COLEC12: variants seen among roughly 807,000 people sequenced by gnomAD.
The protein encoded by COLEC12 is collectin-12.
Under a neutral mutation model 71.1 loss-of-function variants are expected in COLEC12, and 33 were observed. That is an observed-to-expected ratio of 0.46 (90% CI 0.35 to 0.62). The LOEUF is 0.62. COLEC12 is among the 20% of genes least tolerant of loss of function. The pLI is 0.00. For synonymous variants in COLEC12, 350 were observed against 353.0 expected (o/e 0.99, Z 0.10); for missense variants, 765 against 916.1 (o/e 0.84, Z 2.13).
intron 2 of COLEC12, among the ~76,000 whole-genome samples, chr18:380,721 C>T (rs1397280432): frequency 6.6e-6 from 1 of 152,060 alleles, no homozygotes; most frequent in Non-Finnish European, 1.5e-5. Flanking sequence ...ATGGATGTGA[C>T]GGAAAGAAGT....
chr18:329,767 C>A (rs1235459962), intron 8 of COLEC12, among the ~76,000 whole-genome samples: 3 of 152,218 alleles, frequency 2.0e-5, no homozygotes, highest in Non-Finnish European at 4.4e-5. Context: ...TATTTCGCCA[C>A]ATGTTTATTT....
At chr18:458,740 C>G (rs559681781) in intron 2 of COLEC12, among the ~76,000 whole-genome samples, 8 of 152,348 alleles carry the variant, frequency 5.3e-5, no homozygotes, top group African/African-American at 1.9e-4. Flanking sequence ...ATGATCACTC[C>G]TCAAGACTTC....
chr18:347,046 C>A lies in COLEC12; in HGVS notation c.576G>T (p.Leu192=), dbSNP rs1270311092. ...CATTATGAGAATACATTTGGTTCTG[C>A]AGATTGCCCTGGAGCACGCTGGTAT... is the stretch of plus-strand genomic sequence containing the variant. ...QQDTSVLQGN[L]QNQMYSHNVV... Residue 192 remains leucine (L), a synonymous_variant, in exon 5 of 10, where the codon CTG becomes CTT. Coordinates refer to ENST00000400256, the MANE Select transcript of COLEC12 (RefSeq NM_130386.3). The A allele has an allele frequency of 6.2e-7, 1 of 1,614,200 alleles. No individual in the cohort carries two copies. Among genetic ancestry groups the A allele is most frequent in the South Asian group, 1.1e-5 (1 of 91,068 alleles).
intron 2 of COLEC12, chr18:424,519 G>A (rs1916160565): frequency 6.6e-6 from 1 of 152,170 alleles, no homozygotes; most frequent in Non-Finnish European, 1.5e-5. Flanking sequence ...AGAGGCTTCT[G>A]CCTGATTATT....
chr18:417,638 G>A (rs1306440383), intron 2 of COLEC12, among the ~76,000 whole-genome samples: 3 of 152,174 alleles, frequency 2.0e-5, no homozygotes, highest in Non-Finnish European at 4.4e-5. Context: ...CATGGGAAGT[G>A]GACACAGTAG....
At chr18:387,698 G>A (rs1045906137) in intron 2 of COLEC12, among the ~76,000 whole-genome samples, 1 of 152,142 alleles carries the variant, frequency 6.6e-6, no homozygotes, top group Non-Finnish European at 1.5e-5. Context: ...AAATAAATAT[G>A]TACGCTAGGA....
At chr18:348,404 T>C (rs1914433794) in intron 3 of COLEC12, among the ~76,000 whole-genome samples, 2 of 152,248 alleles carry the variant, frequency 1.3e-5, no homozygotes, top group Non-Finnish European at 2.9e-5. Flanking sequence ...CTTATGATTC[T>C]GTAATGCCTT....
Position 320,082 on chromosome 18 carries a change from GA to G in COLEC12, c.2210-19del. ...TGACAGTACTAAAAGAGAGAAATAA[GA>G]ATGGGCATTAGTTTTTCTTAAATAA... On this transcript the variant is annotated intron_variant, in intron 9 of 9. Coordinates refer to ENST00000400256, the MANE Select transcript of COLEC12 (RefSeq NM_130386.3). 2.0e-6 allele frequency: 3 copies of G among 1,470,352 alleles called. No homozygotes were observed. In the South Asian group the frequency reaches 3.6e-5, roughly 18 times the overall value. The allele number at this position is 1,470,352 out of a possible 1,614,324, so 91.1% of individuals were successfully genotyped here.
chr18:460,079 C>T (rs1395037332), intron 2 of COLEC12, among the ~76,000 whole-genome samples: 3 of 152,088 alleles, frequency 2.0e-5, no homozygotes, highest in South Asian at 4.2e-4. Flanking sequence ...AAAATAGACT[C>T]GGATATTTTG....
At chr18:324,916 G>A (rs867558985) in intron 8 of COLEC12, among the ~76,000 whole-genome samples, 23 of 151,952 alleles carry the variant, frequency 1.5e-4, no homozygotes, top group South Asian at 6.2e-4. Flanking sequence ...TCAGCCTAGC[G>A]CAGTGGCTCA....
chr18:484,127 A>G (rs1481893480), intron 1 of COLEC12, among the ~76,000 whole-genome samples: 1 of 152,236 alleles, frequency 6.6e-6, no homozygotes, highest in East Asian at 1.9e-4. Context: ...CAGCAGGGCT[A>G]CCATTAGCTT....
chr18:405,084 C>T (rs148622275), intron 2 of COLEC12, among the ~76,000 whole-genome samples: 133 of 152,290 alleles, frequency 8.7e-4, no homozygotes, highest in African/African-American at 3.0e-3. Flanking sequence ...GCAGTACCCT[C>T]AGGCTTACTA....
At chr18:406,562 G>A (rs1915794324) in intron 2 of COLEC12, among the ~76,000 whole-genome samples, 1 of 150,610 alleles carries the variant, frequency 6.6e-6, no homozygotes, top group African/African-American at 2.5e-5. Context: ...AGCTCCCGGG[G>A]CTGCCTTGTG....
chr18:396,324 C>T (rs1915571023), intron 2 of COLEC12, among the ~76,000 whole-genome samples: 1 of 152,198 alleles, frequency 6.6e-6, no homozygotes, highest in Non-Finnish European at 1.5e-5. Context: ...CTCCAAATCC[C>T]TGCAGTCTCA....
At chr18:413,582 C>T (rs112531920) in intron 2 of COLEC12, among the ~76,000 whole-genome samples, 32 of 152,274 alleles carry the variant, frequency 2.1e-4, no homozygotes, top group Non-Finnish European at 2.9e-4. Flanking sequence ...CCAGCACTTT[C>T]GGAGGCCAAG....
At chr18:400,414 G>A (rs759288119) in intron 2 of COLEC12, among the ~76,000 whole-genome samples, 7 of 152,170 alleles carry the variant, frequency 4.6e-5, no homozygotes, top group African/African-American at 9.7e-5. Flanking sequence ...AAAGGCCATT[G>A]TATTTCATGT....
rs778096255 is a variant in COLEC12, at chr18:480,723, G to A, written c.42C>T (p.Phe14=). 12 of 1,613,956 alleles carry A rather than the reference G, an allele frequency of 7.4e-6. No individual in the cohort carries two copies. The highest frequency in any genetic ancestry group is 4.5e-5 in the East Asian group (2 of 44,884). Residue 14 remains phenylalanine, a synonymous_variant, in exon 2 of 10, where the codon TTC becomes TTT. Transcript: ENST00000400256. The surrounding 1 kb of genome is among the most constrained non-coding windows in gnomAD (Gnocchi z 4.1). The part of the protein sequence containing the change: ...DFAEEEEVQS[F]GYKRFGIQEG... ...AGGACTCACCAAACCGCTTGTAACC[G>A]AAGGATTGCACCTCCTCCTCCTCTG...
At chr18:382,167 C>T (rs1915247601) in intron 2 of COLEC12, among the ~76,000 whole-genome samples, 1 of 152,176 alleles carries the variant, frequency 6.6e-6, no homozygotes, top group Non-Finnish European at 1.5e-5. Flanking sequence ...GCCAGATGAT[C>T]TGATTACCAG....
At chr18:473,706 T>G (rs1015989370) in intron 2 of COLEC12, among the ~76,000 whole-genome samples, 1 of 152,186 alleles carries the variant, frequency 6.6e-6, no homozygotes, top group Non-Finnish European at 1.5e-5. Flanking sequence ...CTGTCTGTCT[T>G]AAGTTGCTTG....
Sources: gnomAD v4.1 joint callset for allele counts (sites outside exome capture counted in the v4.1 genomes callset) on GRCh38, gnomAD v4.1.1 for gene constraint, Gnocchi (gnomAD v3.1) non-coding constraint, MANE v1.5 for transcripts, NCBI Gene and HGNC (gene_info 2026-07-23, HGNC 2026-07-21) for gene names.